Variants in TCP11L1 observed in about 807,000 individuals in gnomAD.
TCP11L1 encodes T-complex protein 11-like protein 1.
A neutral mutation model predicts 48.9 loss-of-function variants in TCP11L1; 28 were observed. The observed-to-expected ratio is 0.57, with a 90% CI of 0.42 to 0.78. TCP11L1 has a LOEUF of 0.78. TCP11L1 is among the 30% of genes least tolerant of loss of function. TCP11L1 has a pLI of 0.00. For missense variants in TCP11L1, 505 were observed against 613.4 expected (o/e 0.82, Z 1.87); for synonymous variants, 204 against 231.9 (o/e 0.88, Z 1.09).
intron 7 of TCP11L1, among the ~76,000 whole-genome samples, 162 bp downstream of exon 7, chr11:33,061,888 C>T (rs1439684836): frequency 6.6e-6 from 1 of 152,120 alleles, no homozygotes; most frequent in Non-Finnish European, 1.5e-5. Context: ...CAAGACTTGC[C>T]TGGGCAACAT....
At chr11:33,044,001 G>T (rs7926030) in intron 2 of TCP11L1, 65 bp downstream of exon 2, 9 of 1,462,442 alleles carry the variant, frequency 6.2e-6, no homozygotes, top group African/African-American at 2.9e-5. Context: ...GTTTTATGAG[G>T]CCTCCTTGTG....
chr11:33,049,837 T>A (rs942647624), intron 2 of TCP11L1, among the ~76,000 whole-genome samples: 2 of 152,200 alleles, frequency 1.3e-5, no homozygotes, highest in Admixed American at 6.5e-5. Context: ...CCTCTTTTAC[T>A]AATCCTCCTC....
At chr11:33,061,918 TAA>T (rs1459208698) in intron 7 of TCP11L1, among the ~76,000 whole-genome samples, 192 bp downstream of exon 7, 2 of 152,020 alleles carry the variant, frequency 1.3e-5, no homozygotes, top group Non-Finnish European at 2.9e-5. Context: ...CCCTCTGTAC[TAA>T]AAATACAAAA....
chr11:33,054,829 T>G, intron 3 of TCP11L1, 104 bp downstream of exon 3: 1 of 1,298,134 alleles, frequency 7.7e-7, no homozygotes, highest in Non-Finnish European at 1.0e-6. Context: ...GTATTTTTCC[T>G]TTTGTACATT....
chr11:33,050,321 C>T (rs955531694), intron 2 of TCP11L1, among the ~76,000 whole-genome samples: 1 of 152,296 alleles, frequency 6.6e-6, no homozygotes, highest in Admixed American at 6.5e-5. Flanking sequence ...AACTTGGGAG[C>T]CCTAATAATC....
chr11:33,056,448 A>G (rs979456883), intron 3 of TCP11L1: 1 of 153,232 alleles, frequency 6.5e-6, no homozygotes, highest in Non-Finnish European at 1.5e-5. Flanking sequence ...TGTATATATA[A>G]GTTGTTACAG....
rs543480165 is a variant in TCP11L1 at position 33,065,430 on chromosome 11, G to T, written c.973-400G>T. 5.3e-5 allele frequency among the ~76,000 whole-genome samples: 8 copies of T among 152,220 alleles called. No individual in the cohort carries two copies. In the East Asian group the frequency reaches 1.5e-3, roughly 29 times the overall value. On this transcript the variant is annotated intron_variant, in intron 7 of 9. Coordinates refer to ENST00000334274, the MANE Select transcript of TCP11L1 (RefSeq NM_018393.4). ...AGGCATGCACCACCACACCCGGCTA[G>T]TTTTGTATTTTTAGTAGAGATGGGG...
At chr11:33,046,664 G>A (rs1158556471) in intron 2 of TCP11L1, among the ~76,000 whole-genome samples, 1 of 152,164 alleles carries the variant, frequency 6.6e-6, no homozygotes, top group East Asian at 1.9e-4. Flanking sequence ...GGTAGGTACA[G>A]GGCTATAAAC....
intron 2 of TCP11L1, among the ~76,000 whole-genome samples, chr11:33,054,211 T>C (rs1438914422): frequency 6.6e-6 from 1 of 151,872 alleles, no homozygotes; most frequent in Non-Finnish European, 1.5e-5. Context: ...AGATCTTAAA[T>C]CTGGTGTCTT....
At chr11:33,054,508 T>G in intron 2 of TCP11L1, 85 bp from the exon 3 acceptor site, 1 of 1,501,576 alleles carries the variant, frequency 6.7e-7, no homozygotes, top group South Asian at 1.3e-5. Context: ...GAAATTATTG[T>G]CTGGTACCAG....
At chr11:33,046,054 C>A (rs1853984569) in intron 2 of TCP11L1, among the ~76,000 whole-genome samples, 1 of 152,236 alleles carries the variant, frequency 6.6e-6, no homozygotes, top group Admixed American at 6.5e-5. Context: ...TTCCAGAGGC[C>A]ACGCCCTGAG....
At position 33,072,339 on chromosome 11, in the gene TCP11L1, G is replaced by A. The variant is rs543204974; in HGVS notation, c.1328-135G>A. 5.6e-4 allele frequency: 464 copies of A among 830,946 alleles called. 3 individuals carry two copies. Among genetic ancestry groups the A allele is most frequent in the Middle Eastern group, 2.8e-3 (12 of 4,348 alleles). 51.5% of individuals were successfully genotyped at this position (830,946 alleles called of 1,614,324 possible). ...TGAATATGCAGAAGTGCAAGGTGCT[G>A]TGGGTATCTGGTCTGGGAGTATTGA... On this transcript the variant is annotated intron_variant, in intron 9 of 9. Coordinates refer to ENST00000334274, the MANE Select transcript of TCP11L1 (RefSeq NM_018393.4).
Position 33,043,891 on chromosome 11 carries a change from A to G in TCP11L1, c.118A>G (p.Ile40Val), listed in dbSNP as rs764715819. 32 of 1,613,752 alleles carry G rather than the reference A, an allele frequency of 2.0e-5. No homozygotes were observed. The highest frequency in any genetic ancestry group is 1.5e-4 in the African/African-American group (11 of 74,908). Residue 40 changes from isoleucine to valine, a missense_variant, in exon 2 of 10, where the codon ATA becomes GTA. Around this residue, in one of 3 missense-constraint regions of TCP11L1, gnomAD observed 168 missense variants for 183.5 expected, o/e 0.92. Coordinates refer to ENST00000334274, the MANE Select transcript of TCP11L1 (RefSeq NM_018393.4). ...EGADEALQKA[I>V]KSDSSSPQRV... ...TGCTGATGAAGCCTTACAAAAAGCA[A>G]TAAAGTCAGACTCCTCCAGCCCCCA...
At chr11:33,046,568 C>G (rs975503563) in intron 2 of TCP11L1, among the ~76,000 whole-genome samples, 1 of 152,184 alleles carries the variant, frequency 6.6e-6, no homozygotes, top group African/African-American at 2.4e-5. Flanking sequence ...ATTAAGTTCT[C>G]TTAGTAGTCT....
In TCP11L1 at chr11:33,057,956, T is replaced by C; in HGVS notation, c.455T>C (p.Leu152Pro). 6.2e-7 allele frequency: 1 copy of C among 1,614,148 alleles called. No homozygotes were observed. The highest frequency in any genetic ancestry group is 8.5e-7 in the Non-Finnish European group (1 of 1,180,026). The part of the protein sequence containing the change: ...LSFLLPGHTR[L>P]RNQITEVLDL... ...TTCTTGCTGCCTGGTCATACTAGACTGAGAAACCAGATAACAGAAGTCTTG... is the reference window on the plus strand; with the variant it reads ...TTCTTGCTGCCTGGTCATACTAGACCGAGAAACCAGATAACAGAAGTCTTG... The change falls in exon 5 of 10, where the codon CTG becomes CCG. Residue 152 changes from leucine (L) to proline (P), a missense_variant. Around this residue, in one of 3 missense-constraint regions of TCP11L1, gnomAD observed 168 missense variants for 183.5 expected, o/e 0.92. Coordinates refer to ENST00000334274, the MANE Select transcript of TCP11L1 (RefSeq NM_018393.4).
At chr11:33,070,037 C>CGT (rs1854733041) in intron 9 of TCP11L1, among the ~76,000 whole-genome samples, 3 of 152,036 alleles carry the variant, frequency 2.0e-5, no homozygotes, top group Admixed American at 1.3e-4. Flanking sequence ...GATTGAAAAC[C>CGT]AGCCCTTAAG....
chr11:33,062,525 C>T (rs973263908), intron 7 of TCP11L1, among the ~76,000 whole-genome samples: 1 of 152,106 alleles, frequency 6.6e-6, no homozygotes, highest in Non-Finnish European at 1.5e-5. Context: ...TAAAATTTAC[C>T]ATTTTAACCA....
In TCP11L1 at chr11:33,040,110, C is replaced by CTT. The variant is rs72407403; in HGVS notation, c.-25+323_-25+324dup. The CTT allele has an allele frequency of 8.2e-4, 124 of 150,706 alleles. 1 individual carries two copies. Among genetic ancestry groups the CTT allele is most frequent in the East Asian group, 9.8e-4 (5 of 5,094 alleles). The allele number at this position is 150,706 out of a possible 1,614,324, so 9.3% of individuals were successfully genotyped here. A position where few individuals can be genotyped will look rare whatever the true frequency, so the allele number is the denominator to read the frequency against. On this transcript the variant is annotated intron_variant, in intron 1 of 9. Transcript: ENST00000334274. ...TTCCCGGCGCCGGGGGACAGAGCCC[C>CTT]TTTTTTCTTTTGCCGAAAGACCCTT...
chr11:33,061,720 C>G lies in TCP11L1; in HGVS notation c.966C>G (p.Phe322Leu). The G allele has an allele frequency of 1.3e-6, 2 of 1,595,494 alleles. No homozygotes were observed. The highest frequency in any genetic ancestry group is 2.3e-5 in the South Asian group (2 of 88,342). ...AGTGGGACCACCTCCAGAGGCCGTT[C>G]CCCGAAGTAGGTCTCCTGAGCCATC... ...LLKWDHLQRP[F>L]PETVLMDQSR... The change falls in exon 7 of 10, where the codon TTC becomes TTG. Residue 322 changes from phenylalanine to leucine, a missense_variant. Physicochemically the swap from Phe to Leu is conservative, Grantham distance 22 (BLOSUM62 0). Around this residue, in one of 3 missense-constraint regions of TCP11L1, gnomAD observed 335 missense variants for 413.3 expected, o/e 0.81. Transcript: ENST00000334274.
Sources: gnomAD v4.1 joint callset for allele counts (sites outside exome capture counted in the v4.1 genomes callset) on GRCh38, gnomAD v4.1.1 for gene constraint, gnomAD v4.1.1 regional missense constraint, MANE v1.5 for transcripts, NCBI Gene and HGNC (gene_info 2026-07-23, HGNC 2026-07-21) for gene names.